The following ZNF438 variants were observed in gnomAD, a reference collection of about 807,000 sequenced individuals.
The protein encoded by ZNF438 is zinc finger protein 438.
A neutral mutation model predicts 38.0 loss-of-function variants in ZNF438; 25 were observed. The ratio of observed to expected loss-of-function variants is 0.66; its 90% confidence interval spans 0.48 to 0.92. The LOEUF (loss-of-function observed/expected upper bound fraction) is 0.92, where lower values mean the gene tolerates loss of function less well. ZNF438 is among the 40% of genes least tolerant of loss of function. The pLI is 0.00. For synonymous variants in ZNF438, 372 were observed against 364.1 expected, an observed-to-expected ratio of 1.02 and a Z score of -0.25; for missense variants, 1,007 against 999.6, an observed-to-expected ratio of 1.01 and a Z score of -0.10.
intron 1 of ZNF438, among the ~76,000 whole-genome samples, chr10:31,023,234 T>G (rs187238856): frequency 6.6e-6 from 1 of 152,296 alleles, no homozygotes; most frequent in East Asian, 1.9e-4. Context: ...GATGTATCTC[T>G]AATAACAGCA....
intron 1 of ZNF438, among the ~76,000 whole-genome samples, chr10:31,014,804 T>C (rs2056043804): frequency 6.6e-6 from 1 of 152,118 alleles, no homozygotes; most frequent in African/African-American, 2.4e-5. Flanking sequence ...GCAATAAATA[T>C]GTCATTCTTA....
intron 3 of ZNF438, among the ~76,000 whole-genome samples, chr10:30,902,403 A>T (rs1175681386): frequency 6.6e-6 from 1 of 152,108 alleles, no homozygotes; most frequent in Non-Finnish European, 1.5e-5. Flanking sequence ...TCATGCATTT[A>T]CAAACCTTGA....
At chr10:31,026,363 C>G (rs947432221) in intron 1 of ZNF438, among the ~76,000 whole-genome samples, 5 of 149,812 alleles carry the variant, frequency 3.3e-5, no homozygotes, top group African/African-American at 7.5e-5. Context: ...CTAATATCCA[C>G]AATCTACAAA....
chr10:30,849,423 T>A lies in ZNF438; in HGVS notation c.982A>T (p.Lys328Ter). ...AAGCCTTCTGTGGTGGAGGGTATCT[T>A]ATCACAGTCGGCCTTAGGTCCTGGT... The change falls in exon 5 of 6, where the codon AAG becomes TAG. Residue 328 changes from lysine to a stop codon, truncating the protein, a stop_gained. Transcript: ENST00000413025. LOFTEE classifies it high-confidence loss of function. 1 of 1,614,246 alleles carries A rather than the reference T, an allele frequency of 6.2e-7. No homozygotes were observed. The highest frequency in any genetic ancestry group is 8.5e-7 in the Non-Finnish European group (1 of 1,180,050).
chr10:30,903,700 A>G (rs2134347712), intron 3 of ZNF438, among the ~76,000 whole-genome samples: 1 of 152,286 alleles, frequency 6.6e-6, no homozygotes, highest in East Asian at 1.9e-4. Flanking sequence ...AAAAATATAT[A>G]CCAACAGAAC....
intron 2 of ZNF438, among the ~76,000 whole-genome samples, chr10:30,926,095 G>T (rs983945654): frequency 1.3e-5 from 2 of 152,156 alleles, no homozygotes; most frequent in African/African-American, 4.8e-5. Flanking sequence ...AATCTTTGGT[G>T]ATTGAAGTGA....
rs148971295 is a variant in ZNF438 at position 30,910,136 on chromosome 10, T to C, written c.-114-1121A>G. On this transcript the variant is annotated intron_variant, in intron 2 of 5. Transcript: ENST00000413025. ...CTGGCTGCACAAAGACTTCAGGTTT[T>C]CCTAGGGTGTTAGAGTACAATTACC... 4.3e-3 allele frequency among the ~76,000 whole-genome samples: 650 copies of C among 152,164 alleles called. 5 individuals are homozygous for C. Among genetic ancestry groups the C allele is most frequent in the Middle Eastern group, 0.024 (7 of 294 alleles).
At chr10:30,933,703 G>A (rs1377627211) in intron 2 of ZNF438, among the ~76,000 whole-genome samples, 1 of 152,148 alleles carries the variant, frequency 6.6e-6, no homozygotes, top group East Asian at 1.9e-4. Context: ...CTTGTCAAGA[G>A]GTCCAGATTT....
chr10:31,029,023 C>A (rs1191265268), intron 1 of ZNF438, among the ~76,000 whole-genome samples: 2 of 152,210 alleles, frequency 1.3e-5, no homozygotes, highest in Admixed American at 1.3e-4. Flanking sequence ...CCAACCCTGA[C>A]CACTCCCCTG....
At chr10:30,975,966 A>G (rs1449010223) in intron 1 of ZNF438, among the ~76,000 whole-genome samples, 5 of 152,120 alleles carry the variant, frequency 3.3e-5, no homozygotes, top group African/African-American at 9.6e-5. Context: ...AGAGAAGCAG[A>G]TAAGTAAAAA....
intron 1 of ZNF438, among the ~76,000 whole-genome samples, chr10:31,005,162 T>A (rs1018437829): frequency 9.0e-4 from 137 of 152,304 alleles, no homozygotes; most frequent in African/African-American, 3.1e-3. Flanking sequence ...TGCACTCCCA[T>A]GTTCACTGTA....
Position 30,847,073 on chromosome 10 carries a change from A to G in ZNF438, c.1874+1458T>C, listed in dbSNP as rs945535596. On this transcript the variant is annotated intron_variant, in intron 5 of 5. Coordinates refer to ENST00000413025, the Ensembl canonical transcript of ZNF438. ...GCCAGCCTGCAGGTGCCCCCTCAGC[A>G]TGAACAGCCTGGGTGCCATAAACAG... is the stretch of plus-strand genomic sequence containing the variant. Among the ~76,000 whole-genome samples the G allele has an allele frequency of 4.6e-5, 7 of 152,326 alleles. No homozygotes were observed. In the South Asian group the frequency reaches 1.5e-3, roughly 32 times the overall value.
In ZNF438 at chr10:30,881,594, C is replaced by A. The variant is rs561838769; in HGVS notation, c.-31-4529G>T. Reference sequence around the variant, plus strand: ...TATATAAATTCAATGTGATCCTAATCAAAATCCCAGTAGACTTTTTGTAGA... The same window carrying A: ...TATATAAATTCAATGTGATCCTAATAAAAATCCCAGTAGACTTTTTGTAGA... On this transcript the variant is annotated intron_variant, in intron 3 of 5. Transcript: ENST00000413025. Among the ~76,000 whole-genome samples the A allele has an allele frequency of 1.4e-4, 22 of 152,156 alleles. 1 individual carries two copies. In the East Asian group the frequency reaches 3.1e-3, roughly 21 times the overall value.
chr10:30,865,697 C>T (rs916184673), intron 4 of ZNF438, among the ~76,000 whole-genome samples: 21 of 152,128 alleles, frequency 1.4e-4, no homozygotes, highest in African/African-American at 4.6e-4. Context: ...TTTCTTTTTG[C>T]GGAAGGCTGG....
Position 31,005,004 on chromosome 10 carries a change from T to C in ZNF438, c.-192+26829A>G, listed in dbSNP as rs574868854. ...TGAAAAAGAGAAACCTCATACACTG[T>C]TGGTGGGAATGCAGATCAGTGCGGC... On this transcript the variant is annotated intron_variant, in intron 1 of 5. Coordinates refer to ENST00000413025, the Ensembl canonical transcript of ZNF438. 3.9e-5 allele frequency among the ~76,000 whole-genome samples: 6 copies of C among 152,290 alleles called. No individual in the cohort carries two copies. The East Asian group carries it at 1.2e-3, about 29-fold the overall frequency.
exon 6 of ZNF438, chr10:30,845,253 A>C: frequency 1.9e-6 from 3 of 1,614,072 alleles, no homozygotes; most frequent in Non-Finnish European, 2.5e-6. Context: ...ATTCTGATGA[A>C]GGTGGAGCTG....
chr10:31,004,888 C>T (rs754021805), intron 1 of ZNF438, among the ~76,000 whole-genome samples: 4 of 152,112 alleles, frequency 2.6e-5, no homozygotes, highest in Non-Finnish European at 4.4e-5. Flanking sequence ...TTAACTGTTT[C>T]ATAATAACAT....
chr10:30,942,726 T>C (rs1003769340), intron 1 of ZNF438, among the ~76,000 whole-genome samples: 1 of 152,234 alleles, frequency 6.6e-6, no homozygotes, highest in African/African-American at 2.4e-5. Flanking sequence ...ATCTCCAACC[T>C]ATAATAAAAA....
chr10:30,992,452 G>A (rs964028454), intron 1 of ZNF438, among the ~76,000 whole-genome samples: 91 of 147,010 alleles, frequency 6.2e-4, no homozygotes, highest in African/African-American at 1.9e-3. Context: ...TTGCTCTGTC[G>A]CCCAAGTTGG....
Sources: gnomAD v4.1 joint callset for allele counts (sites outside exome capture counted in the v4.1 genomes callset) on GRCh38, gnomAD v4.1.1 for gene constraint, MANE v1.5 for transcripts, NCBI Gene and HGNC (gene_info 2026-07-23, HGNC 2026-07-21) for gene names.